The following DMD variants were observed in gnomAD, a reference collection of about 807,000 sequenced individuals.
DMD encodes the protein mutant dystrophin.
A neutral mutation model predicts 330.1 loss-of-function variants in DMD; 63 were observed. The observed-to-expected ratio is 0.19, with a 90% CI of 0.16 to 0.24. The LOEUF (loss-of-function observed/expected upper bound fraction) is 0.24, where lower values mean the gene tolerates loss of function less well. Among genes scored for constraint, DMD ranks in the 10% least tolerant of loss-of-function variants. The probability of loss-of-function intolerance (pLI) is 1.00; values close to 1 mark genes in which losing one functional copy is unlikely to be tolerated. For missense variants in DMD, 3,344 were observed against 2,684.1 expected (o/e 1.25, Z -5.43); for synonymous variants, 1,223 against 959.8 (o/e 1.27, Z -5.07).
intron 11 of DMD, 104 bp downstream of exon 11, chrX:32,644,028 G>T: frequency 1.4e-6 from 1 of 710,219 alleles, no homozygotes; most frequent in Non-Finnish European, 2.1e-6. Flanking sequence ...TGTGTGCCTT[G>T]GGAACAAACT....
intron 63 of DMD, 128 bp from the exon 64 acceptor site, chrX:31,223,249 T>C: frequency 1.7e-6 from 1 of 582,240 alleles, no homozygotes; most frequent in Non-Finnish European, 2.9e-6. Context: ...ATATAGTGTG[T>C]ATACGCCAAG....
At chrX:32,488,324 A>G (rs1472642641) in intron 20 of DMD, among the ~76,000 whole-genome samples, 1 of 110,780 alleles carries the variant, frequency 9.0e-6, no homozygotes, top group Non-Finnish European at 1.9e-5. Context: ...AAGCTTTTGT[A>G]TTTTTCACAG....
At chrX:33,084,722 A>G (rs1603255091) in intron 1 of DMD, among the ~76,000 whole-genome samples, 1 of 111,624 alleles carries the variant, frequency 9.0e-6, no homozygotes, top group East Asian at 2.8e-4. Flanking sequence ...CTCCTAAACC[A>G]TAATTTCTAA....
At chrX:33,056,824 G>T (rs2148045601) in intron 1 of DMD, among the ~76,000 whole-genome samples, 1 of 111,121 alleles carries the variant, frequency 9.0e-6, no homozygotes, top group African/African-American at 3.3e-5. Context: ...ATCCTGTAAC[G>T]AATCTCTTTA....
At chrX:33,107,146 T>C (rs1220096299) in intron 1 of DMD, among the ~76,000 whole-genome samples, 1 of 111,330 alleles carries the variant, frequency 9.0e-6, no homozygotes, top group Non-Finnish European at 1.9e-5. Flanking sequence ...ACCCCGTCTC[T>C]ACTAAAAATA....
At chrX:32,411,636 G>A (rs1451490311) in intron 30 of DMD, 116 bp downstream of exon 30, 10 of 856,205 alleles carry the variant, frequency 1.2e-5, no homozygotes, top group Non-Finnish European at 1.7e-5. Flanking sequence ...TCAAATCAGT[G>A]AATCAAAACA....
intron 64 of DMD, among the ~76,000 whole-genome samples, chrX:31,212,146 TTA>T (rs375944446): frequency 0.032 from 2,962 of 91,672 alleles, 43 homozygotes; most frequent in African/African-American, 0.052. Context: ...ATTAAATATA[TTA>T]TATATATATA....
intron 9 of DMD, among the ~76,000 whole-genome samples, chrX:32,669,967 G>A (rs1043451281): frequency 1.8e-5 from 2 of 111,264 alleles, no homozygotes. Context: ...GTCACAAAAT[G>A]AACTGACGAT....
intron 1 of DMD, among the ~76,000 whole-genome samples, chrX:33,294,776 A>G (rs1022771543): frequency 9.0e-5 from 10 of 110,880 alleles, no homozygotes; most frequent in Non-Finnish European, 1.7e-4. Flanking sequence ...ATCAAAGAGT[A>G]ATATAGTGCC....
At chrX:31,178,165 A>G in intron 70 of DMD, 195 bp from the exon 71 acceptor site, 3 of 753,581 alleles carry the variant, frequency 4.0e-6, no homozygotes, top group Non-Finnish European at 4.7e-6. Flanking sequence ...AAGGCAAAAA[A>G]GAGGAGCAGG....
chrX:31,222,203 AAC>A, intron 64 of DMD, among the ~76,000 whole-genome samples: 1 of 106,343 alleles, frequency 9.4e-6, no homozygotes, highest in South Asian at 4.2e-4. Flanking sequence ...CTCAAAAAAA[AAC>A]AAAACAAACA....
At chrX:32,841,248 A>T (rs762938596) in intron 4 of DMD, among the ~76,000 whole-genome samples, 12 of 111,861 alleles carry the variant, frequency 1.1e-4, no homozygotes, top group Non-Finnish European at 2.3e-4. Context: ...TTAAAAAAAA[A>T]ATCAAGAAAA....
chrX:31,575,861 A>G (rs374450677), intron 55 of DMD, among the ~76,000 whole-genome samples: 25 of 112,257 alleles, frequency 2.2e-4, no homozygotes, highest in African/African-American at 8.1e-4. Flanking sequence ...ATGTTGGCAC[A>G]TAACATTCAC....
intron 55 of DMD, among the ~76,000 whole-genome samples, chrX:31,599,503 A>G (rs1374927036): frequency 8.9e-6 from 1 of 112,320 alleles, no homozygotes; most frequent in South Asian, 3.7e-4. Context: ...AAGATAGAAG[A>G]TATTTAAATT....
intron 55 of DMD, among the ~76,000 whole-genome samples, chrX:31,611,353 C>T (rs1465113561): frequency 9.0e-6 from 1 of 111,127 alleles, no homozygotes; most frequent in African/African-American, 3.3e-5. Context: ...TCCAACAGCA[C>T]TGACTTCCCC....
At chrX:31,971,872 C>A (rs1444644166) in intron 44 of DMD, among the ~76,000 whole-genome samples, 1 of 111,647 alleles carries the variant, frequency 9.0e-6, no homozygotes, top group Non-Finnish European at 1.9e-5. Flanking sequence ...TTATCTATTT[C>A]TCTGGCAATT....
chrX:33,221,745 A>T (rs2148874490), intron 1 of DMD, among the ~76,000 whole-genome samples: 1 of 111,213 alleles, frequency 9.0e-6, no homozygotes, highest in Non-Finnish European at 1.9e-5. Flanking sequence ...TACTATGAAC[A>T]ATTCTTCACA....
At chrX:33,008,352 T>C (rs1294000139) in intron 2 of DMD, among the ~76,000 whole-genome samples, 2 of 111,217 alleles carry the variant, frequency 1.8e-5, no homozygotes, top group Non-Finnish European at 3.8e-5. Context: ...ATCTTAATTC[T>C]TTGTGTTCTG....
intron 2 of DMD, among the ~76,000 whole-genome samples, chrX:32,935,124 G>A (rs1243488304): frequency 1.8e-5 from 2 of 112,160 alleles, no homozygotes; most frequent in Non-Finnish European, 3.8e-5. Flanking sequence ...GACTACAGGC[G>A]CCCGCCACCA....
Sources: gnomAD v4.1 joint callset for allele counts (sites outside exome capture counted in the v4.1 genomes callset) on GRCh38, gnomAD v4.1.1 for gene constraint, MANE v1.5 for transcripts, NCBI Gene and HGNC (gene_info 2026-07-23, HGNC 2026-07-21) for gene names.